SLC49A3: variants seen among roughly 807,000 people sequenced by gnomAD.
SLC49A3 encodes the protein solute carrier family 49 member A3.
SLC49A3 carries 50 observed loss-of-function variants against 43.8 expected under a neutral mutation model. The ratio of observed to expected loss-of-function variants is 1.14; its 90% CI spans 0.91 to 1.45. The LOEUF is 1.45. Among genes scored for constraint, SLC49A3 ranks in the 40% most tolerant of loss-of-function variants. The pLI is 0.00. For missense variants in SLC49A3, 906 were observed against 774.1 expected, an observed-to-expected ratio of 1.17 and a Z score of -2.02; for synonymous variants, 413 against 352.0, an observed-to-expected ratio of 1.17 and a Z score of -1.94.
chr4:684,364 G>A, intron 6 of SLC49A3, 119 bp downstream of exon 6: 2 of 1,372,870 alleles, frequency 1.5e-6, no homozygotes, highest in Non-Finnish European at 1.0e-6. Flanking sequence ...CAGCACAGAA[G>A]GGTGTCAATG....
intron 9 of SLC49A3, 149 bp from the exon 10 acceptor site, chr4:682,525 G>C: frequency 2.2e-6 from 2 of 912,876 alleles, no homozygotes; most frequent in Non-Finnish European, 3.0e-6. Flanking sequence ...ACAGCCCTGA[G>C]GGGGTGTTTG....
chr4:684,254 C>G (rs1296574083), intron 6 of SLC49A3, among the ~76,000 whole-genome samples: 3 of 152,110 alleles, frequency 2.0e-5, no homozygotes, highest in Admixed American at 2.0e-4. Context: ...CCGTCAGTCC[C>G]TCCGCTCCGT....
upstream of SLC49A3, among the ~76,000 whole-genome samples, chr4:690,349 C>G (rs1384069195): frequency 6.6e-6 from 1 of 152,076 alleles, no homozygotes; most frequent in Non-Finnish European, 1.5e-5. Context: ...TCCTCACTCT[C>G]TTTATCTCCT....
chr4:678,553 G>C (rs1739092873), downstream of SLC49A3: 11 of 1,487,804 alleles, frequency 7.4e-6, no homozygotes, highest in East Asian at 2.5e-4. Context: ...AGCCCGAAGG[G>C]CTGAGGTCCA....
chr4:678,045 T>C (rs1739022664), downstream of SLC49A3: 1 of 1,613,156 alleles, frequency 6.2e-7, no homozygotes, highest in Non-Finnish European at 8.5e-7. Context: ...CAGGCCGCCG[T>C]GCATGCCTGG....
Position 685,843 on chromosome 4 carries a change from G to T in SLC49A3, c.577C>A (p.Pro193Thr), listed in dbSNP as rs748473362. Reference sequence around the variant, plus strand: ...GTCTCATGACCCCTCACCATTAACGGAATGTCCTCACCCTTCTTGACCAGC... The same window carrying T: ...GTCTCATGACCCCTCACCATTAACGTAATGTCCTCACCCTTCTTGACCAGC... ...PVLVKKGEDI[P>T]LMLGVYTIPA... Residue 193 changes from proline (P) to threonine (T), a missense_variant, in exon 4 of 10, where the codon CCG (proline) becomes ACG (threonine). Coordinates refer to ENST00000322224, the MANE Select transcript of SLC49A3 (RefSeq NM_032219.4). The surrounding 1 kb of genome is among the most constrained non-coding windows in gnomAD (Gnocchi z 4.3). The T allele has an allele frequency of 1.1e-5, 17 of 1,613,794 alleles. No individual in the cohort carries two copies. Among genetic ancestry groups the T allele is most frequent in the Admixed American group, 5.0e-5 (3 of 59,982 alleles).
At chr4:683,539 C>A in intron 7 of SLC49A3, 70 bp downstream of exon 7, 1 of 1,541,684 alleles carries the variant, frequency 6.5e-7, no homozygotes, top group Non-Finnish European at 8.7e-7. Flanking sequence ...GCCAAGCCGC[C>A]AACCGCCCTC....
rs553599149 is a variant in SLC49A3 at position 682,609 on chromosome 4, G to A, written c.1261+172C>T. Among the ~76,000 whole-genome samples the A allele has an allele frequency of 1.1e-4, 16 of 152,236 alleles. No homozygotes were observed. In the South Asian group the frequency reaches 3.1e-3, roughly 30 times the overall value. Reference sequence around the variant, plus strand: ...GTGTGCCAGCCCCATCTCTGATCTCGGCCACACCTGTCCTGGCTCACCTGT... The same window carrying A: ...GTGTGCCAGCCCCATCTCTGATCTCAGCCACACCTGTCCTGGCTCACCTGT... On this transcript the variant is annotated intron_variant, in intron 9 of 9. Coordinates refer to ENST00000322224, the MANE Select transcript of SLC49A3 (RefSeq NM_032219.4).
chr4:682,445 T>A lies in SLC49A3; in HGVS notation c.1262-69A>T, dbSNP rs998054168. On this transcript the variant is annotated intron_variant, in intron 9 of 9. Transcript: ENST00000322224. ...GCCACAGATGGGCAGAGCCCAATGC[T>A]GGCCTATGGTGACCCCACTACCCTT... 10 of 1,288,994 alleles carry A rather than the reference T, an allele frequency of 7.8e-6. No individual in the cohort carries two copies. In the African/African-American group the frequency reaches 9.1e-5, roughly 12 times the overall value. 79.8% of individuals were successfully genotyped at this position (1,288,994 alleles called of 1,614,324 possible). A position where few individuals can be genotyped will look rare whatever the true frequency, so the allele number is the denominator to read the frequency against.
At chr4:683,110 C>G (rs547890006) in intron 8 of SLC49A3, 100 bp downstream of exon 8, 1 of 1,489,714 alleles carries the variant, frequency 6.7e-7, no homozygotes, top group African/African-American at 1.4e-5. Flanking sequence ...TCCCCACCTC[C>G]CCGAAAAGGG....
chr4:690,826 C>T (rs1294723057), upstream of SLC49A3, among the ~76,000 whole-genome samples: 1 of 152,260 alleles, frequency 6.6e-6, no homozygotes, highest in Non-Finnish European at 1.5e-5. Context: ...CAGGTGAGCT[C>T]AGCAACATTG....
At chr4:677,961 G>A (rs375196584), downstream of SLC49A3, 12 of 1,612,984 alleles carry the variant, frequency 7.4e-6, no homozygotes, top group African/African-American at 1.5e-4. Flanking sequence ...GGGGGACCAA[G>A]CAGGAGCTTA....
In SLC49A3 at chr4:682,841, GCA is replaced by G; in HGVS notation, c.1199_1200del (p.Val400AlafsTer18). 1 of 1,604,774 alleles carries G rather than the reference GCA, an allele frequency of 6.2e-7. No homozygotes were observed. The highest frequency in any genetic ancestry group is 8.5e-7 in the Non-Finnish European group (1 of 1,174,698). On this transcript the variant is annotated frameshift_variant, in exon 9 of 10. Transcript: ENST00000322224. LOFTEE classifies it high-confidence loss of function. Reference protein sequence around the residue: ...LIMLAMTALTVRRSEPSLSTC... With the variant: ...LIMLAMTALTXRRSEPSLSTC... ...GTGGACAAGGACGGCTCCGAGCGTC[GCA>G]CAGTCAGTGCCGTCATTGCCAGCAT...
At chr4:679,003 G>T (rs1216174398), downstream of SLC49A3, 5 of 1,613,698 alleles carry the variant, frequency 3.1e-6, no homozygotes, top group East Asian at 2.2e-5. Context: ...CATTGACAAG[G>T]AGGACCTGAA....
chr4:685,827 C>T lies in SLC49A3; in HGVS notation c.585+8G>A, dbSNP rs908260728. 3.7e-6 allele frequency: 6 copies of T among 1,613,902 alleles called. No individual in the cohort carries two copies. Among genetic ancestry groups the T allele is most frequent in the South Asian group, 1.1e-5 (1 of 91,082 alleles). On this transcript the variant is annotated splice_region_variant and intron_variant, in intron 4 of 9. Transcript: ENST00000322224. The surrounding 1 kb of genome is among the most constrained non-coding windows in gnomAD (Gnocchi z 4.3). ...CAGACCAGGCACGGGCGTCTCATGA[C>T]CCCTCACCATTAACGGAATGTCCTC...
At position 685,744 on chromosome 4, in the gene SLC49A3, AGG is replaced by A. The variant is rs1391327280; in HGVS notation, c.585+89_585+90del. ...GGGGACGGGAATCACACACGGGCAC[AGG>A]AACACGGACACACTTGGGATCAGGA... On this transcript the variant is annotated intron_variant, in intron 4 of 9. Coordinates refer to ENST00000322224, the MANE Select transcript of SLC49A3 (RefSeq NM_032219.4). The surrounding 1 kb of genome is among the most constrained non-coding windows in gnomAD (Gnocchi z 4.3). The A allele has an allele frequency of 1.4e-6, 2 of 1,383,476 alleles. No individual in the cohort carries two copies. The highest frequency in any genetic ancestry group is 3.6e-5 in the Admixed American group (2 of 56,008). The allele number at this position is 1,383,476 out of a possible 1,614,324, so 85.7% of individuals were successfully genotyped here.
At chr4:679,814 C>CCCTTCCCAT, downstream of SLC49A3, 2 of 967,770 alleles carry the variant, frequency 2.1e-6, no homozygotes, top group Non-Finnish European at 3.2e-6. Context: ...TCCCTCCCCA[C>CCCTTCCCAT]CCTTCCCATC....
chr4:683,031 T>C (rs1740132495), intron 8 of SLC49A3, 141 bp from the exon 9 acceptor site: 2 of 1,104,378 alleles, frequency 1.8e-6, no homozygotes, highest in Non-Finnish European at 2.6e-6. Flanking sequence ...TCATGGGCCC[T>C]ATCAGCCGGC....
At chr4:689,598 A>G (rs1741694255), upstream of SLC49A3, among the ~76,000 whole-genome samples, 1 of 152,208 alleles carries the variant, frequency 6.6e-6, no homozygotes. Flanking sequence ...GCAGAGCCTC[A>G]AATCAGACCA....
Sources: gnomAD v4.1 joint callset for allele counts (sites outside exome capture counted in the v4.1 genomes callset) on GRCh38, gnomAD v4.1.1 for gene constraint, Gnocchi (gnomAD v3.1) non-coding constraint, MANE v1.5 for transcripts, NCBI Gene and HGNC (gene_info 2026-07-23, HGNC 2026-07-21) for gene names.